The following RBFOX1 variants were observed in gnomAD, a reference collection of about 807,000 sequenced individuals.
The protein encoded by RBFOX1 is RNA binding protein fox-1 homolog 1.
A neutral mutation model predicts 57.7 loss-of-function variants in RBFOX1; 8 were observed. The ratio of observed to expected loss-of-function variants is 0.14; its 90% CI spans 0.08 to 0.25. The LOEUF (loss-of-function observed/expected upper bound fraction) is 0.25, where lower values mean the gene tolerates loss of function less well. Ranked by LOEUF, RBFOX1 falls within the 10% of genes least tolerant of loss-of-function variation. The probability of loss-of-function intolerance (pLI) is 1.00; values close to 1 mark genes in which losing one functional copy is unlikely to be tolerated. For synonymous variants in RBFOX1, 326 were observed against 222.4 expected, an observed-to-expected ratio of 1.47 and a Z score of -4.15; for missense variants, 611 against 548.5, an observed-to-expected ratio of 1.11 and a Z score of -1.14.
At chr16:6,832,933 G>T (rs997568161) in intron 3 of RBFOX1, among the ~76,000 whole-genome samples, 2 of 152,056 alleles carry the variant, frequency 1.3e-5, no homozygotes, top group Non-Finnish European at 2.9e-5. Context: ...TCAATCTCTG[G>T]GGAGACAGAT....
intron 4 of RBFOX1, among the ~76,000 whole-genome samples, chr16:5,953,646 C>G (rs1265714994): frequency 6.6e-6 from 1 of 151,630 alleles, no homozygotes; most frequent in Non-Finnish European, 1.5e-5. Context: ...CTAATCTCAT[C>G]CAGGTTGCTG....
chr16:6,765,333 A>G (rs893861826), intron 3 of RBFOX1, among the ~76,000 whole-genome samples: 4 of 152,172 alleles, frequency 2.6e-5, no homozygotes, highest in Non-Finnish European at 4.4e-5. Context: ...TCTGTCTACC[A>G]CTGGAAATAA....
intron 12 of RBFOX1, among the ~76,000 whole-genome samples, chr16:7,661,668 TA>T (rs1268931565): frequency 6.6e-6 from 1 of 152,228 alleles, no homozygotes; most frequent in Non-Finnish European, 1.5e-5. Context: ...AGGGCAGGGT[TA>T]CTGAGGGGGC....
At chr16:5,652,279 C>G (rs148289262) in intron 3 of RBFOX1, among the ~76,000 whole-genome samples, 140 of 152,296 alleles carry the variant, frequency 9.2e-4, no homozygotes, top group African/African-American at 3.2e-3. Context: ...TATAGGGTAG[C>G]TGCTATCATC....
chr16:6,189,355 G>A (rs751009399), intron 1 of RBFOX1, among the ~76,000 whole-genome samples: 5 of 152,222 alleles, frequency 3.3e-5, no homozygotes, highest in African/African-American at 7.2e-5. Flanking sequence ...AGTCTAGTGC[G>A]CGCTGGTTCA....
chr16:6,571,928 T>A (rs115685829), intron 2 of RBFOX1, among the ~76,000 whole-genome samples: 2 of 152,244 alleles, frequency 1.3e-5, no homozygotes, highest in Non-Finnish European at 2.9e-5. Flanking sequence ...ATTACAATTA[T>A]GATTATCATC....
rs182990591 is a variant in RBFOX1, at chr16:6,760,133, T to G, written c.-16+105483T>G. Among the ~76,000 whole-genome samples, 8 of 152,256 alleles carry G rather than the reference T, an allele frequency of 5.3e-5. No individual in the cohort carries two copies. In the East Asian group the frequency reaches 1.5e-3, roughly 29 times the overall value. ...AAAAGGAAGGTAGAAATATGTTTTC[T>G]TAAGAAAAAAAAATGTACGTACACA... On this transcript the variant is annotated intron_variant, in intron 3 of 15. Coordinates refer to ENST00000550418, the MANE Select transcript of RBFOX1 (RefSeq NM_018723.4).
At chr16:6,930,503 G>A (rs2076328038) in intron 3 of RBFOX1, among the ~76,000 whole-genome samples, 2 of 151,666 alleles carry the variant, frequency 1.3e-5, no homozygotes, top group Admixed American at 1.3e-4. Flanking sequence ...TCTGCCTTCT[G>A]GGTTCAGGTG....
chr16:5,947,720 C>T lies in RBFOX1; in HGVS notation c.351+80385C>T, dbSNP rs942834739. On this transcript the variant is annotated intron_variant, in intron 4 of 19. Transcript: ENST00000641259. The surrounding 1 kb of genome is among the most constrained non-coding windows in gnomAD (Gnocchi z 7.2). ...GAGTGGGGTTAGGGATTTCTGCACC[C>T]TTTTTACTATGTCCAGGAACATTCT... 2.6e-5 allele frequency among the ~76,000 whole-genome samples: 4 copies of T among 152,138 alleles called. No homozygotes were observed. Among genetic ancestry groups the T allele is most frequent in the African/African-American group, 9.7e-5 (4 of 41,440 alleles).
intron 3 of RBFOX1, among the ~76,000 whole-genome samples, chr16:5,693,234 C>T (rs960661835): frequency 1.3e-5 from 2 of 152,068 alleles, no homozygotes; most frequent in Non-Finnish European, 2.9e-5. Flanking sequence ...CCTGACCTAA[C>T]TTCATAAGTA....
chr16:6,913,930 G>T (rs887330472), intron 3 of RBFOX1, among the ~76,000 whole-genome samples: 1 of 152,134 alleles, frequency 6.6e-6, no homozygotes, highest in Admixed American at 6.6e-5. Context: ...AGGCCTCTTG[G>T]GGTGAAGGAT....
At chr16:7,014,591 G>C (rs777754547) in intron 3 of RBFOX1, among the ~76,000 whole-genome samples, 1 of 151,932 alleles carries the variant, frequency 6.6e-6, no homozygotes, top group African/African-American at 2.4e-5. Context: ...ATTTTAAAGG[G>C]GATAACTGTC....
chr16:6,508,933 C>T (rs1038033483), intron 2 of RBFOX1, among the ~76,000 whole-genome samples: 1 of 151,588 alleles, frequency 6.6e-6, no homozygotes, highest in African/African-American at 2.4e-5. Context: ...TTATCTGTGC[C>T]TCAGGTTGAG....
At chr16:7,366,698 G>C (rs993028224) in intron 4 of RBFOX1, among the ~76,000 whole-genome samples, 1 of 151,424 alleles carries the variant, frequency 6.6e-6, no homozygotes, top group African/African-American at 2.4e-5. Context: ...ATTGTGCTAA[G>C]CCCTATTAAA....
At chr16:6,587,165 C>G (rs1032558673) in intron 2 of RBFOX1, among the ~76,000 whole-genome samples, 1 of 152,110 alleles carries the variant, frequency 6.6e-6, no homozygotes, top group Admixed American at 6.5e-5. Context: ...TATCCATTGA[C>G]TAATGTCTCC....
chr16:6,971,110 C>T (rs79853452), intron 3 of RBFOX1, among the ~76,000 whole-genome samples: 2,123 of 152,196 alleles, frequency 0.014, 70 homozygotes, highest in African/African-American at 0.048. Context: ...TATAATCTAG[C>T]GGAGGAAGAC....
chr16:6,714,057 G>C (rs1213506036), intron 3 of RBFOX1, among the ~76,000 whole-genome samples: 1 of 152,162 alleles, frequency 6.6e-6, no homozygotes, highest in African/African-American at 2.4e-5. Context: ...GATTGTGGGG[G>C]TGGTTTCCCC....
intron 2 of RBFOX1, among the ~76,000 whole-genome samples, chr16:6,427,981 T>G (rs1014502028): frequency 6.6e-6 from 1 of 152,068 alleles, no homozygotes; most frequent in African/African-American, 2.4e-5. Context: ...TGAAAGCACT[T>G]AGAAATGTGT....
intron 4 of RBFOX1, among the ~76,000 whole-genome samples, chr16:5,910,291 AC>A (rs1033452268): frequency 1.3e-5 from 2 of 152,128 alleles, no homozygotes; most frequent in African/African-American, 4.8e-5. Flanking sequence ...ACATAGCATC[AC>A]ACAGAGGGGC....
Sources: allele counts gnomAD v4.1 joint callset (sites outside exome capture counted in the v4.1 genomes callset), GRCh38; gene constraint gnomAD v4.1.1; non-coding constraint Gnocchi (gnomAD v3.1); transcripts MANE v1.5; gene names NCBI Gene and HGNC (gene_info 2026-07-23, HGNC 2026-07-21).